LRFN5: variants seen among roughly 807,000 people sequenced by gnomAD.
The protein encoded by LRFN5 is leucine-rich repeat and fibronectin type-III domain-containing protein 5.
In LRFN5, 24 loss-of-function variants were observed where a neutral mutation model predicts 45.6. The ratio of observed to expected loss-of-function variants is 0.53; its 90% CI spans 0.38 to 0.74. The LOEUF (loss-of-function observed/expected upper bound fraction) is 0.74, where lower values mean the gene tolerates loss of function less well. LRFN5 is among the 30% of genes least tolerant of loss of function. The pLI is 0.00. For synonymous variants in LRFN5, 340 were observed against 313.8 expected (o/e 1.08, Z -0.88); for missense variants, 776 against 861.5 (o/e 0.90, Z 1.24).
At chr14:41,802,722 C>T (rs1257998427) in intron 2 of LRFN5, among the ~76,000 whole-genome samples, 1 of 152,050 alleles carries the variant, frequency 6.6e-6, no homozygotes, top group Admixed American at 6.6e-5. Flanking sequence ...GTAAAGATGA[C>T]ATTCATAGGC....
intron 2 of LRFN5, among the ~76,000 whole-genome samples, chr14:41,861,599 A>G (rs1365208714): frequency 6.6e-6 from 1 of 152,040 alleles, no homozygotes; most frequent in African/African-American, 2.4e-5. Flanking sequence ...ACCTTGTGTT[A>G]TTTATCTCTG....
chr14:41,666,426 A>C (rs1391561858), intron 1 of LRFN5, among the ~76,000 whole-genome samples: 2 of 152,090 alleles, frequency 1.3e-5, no homozygotes, highest in African/African-American at 4.8e-5. Flanking sequence ...CTACTCAGCA[A>C]AGATGATCCA....
chr14:41,881,085 T>C (rs1014968255), intron 2 of LRFN5, among the ~76,000 whole-genome samples: 1 of 152,268 alleles, frequency 6.6e-6, no homozygotes, highest in African/African-American at 2.4e-5. Flanking sequence ...AACTCTTACA[T>C]CCCATTCGTG....
chr14:41,686,828 A>G (rs1417012350), intron 1 of LRFN5, among the ~76,000 whole-genome samples: 1 of 152,174 alleles, frequency 6.6e-6, no homozygotes, highest in Non-Finnish European at 1.5e-5. Context: ...TCATGGGGAT[A>G]AGTTTTTTGA....
chr14:41,760,438 T>C (rs1885612296), intron 1 of LRFN5, among the ~76,000 whole-genome samples: 1 of 152,186 alleles, frequency 6.6e-6, no homozygotes, highest in Non-Finnish European at 1.5e-5. Flanking sequence ...TTACTTGTAT[T>C]ATGAATATTA....
intron 1 of LRFN5, among the ~76,000 whole-genome samples, chr14:41,730,170 A>C (rs569290653): frequency 1.8e-4 from 27 of 152,208 alleles, no homozygotes; most frequent in South Asian, 1.5e-3. Flanking sequence ...TACAGATGCA[A>C]ATAAAACCAT....
At chr14:41,881,892 T>C (rs930645009) in intron 2 of LRFN5, among the ~76,000 whole-genome samples, 5 of 152,224 alleles carry the variant, frequency 3.3e-5, no homozygotes, top group East Asian at 1.9e-4. Flanking sequence ...TTCCTGCAGA[T>C]ACGTTAGAAT....
At chr14:41,627,069 A>T (rs566012969) in intron 1 of LRFN5, among the ~76,000 whole-genome samples, 97 of 152,286 alleles carry the variant, frequency 6.4e-4, no homozygotes, top group African/African-American at 2.2e-3. Context: ...ATAAAAGGAT[A>T]GTTTTCACAT....
intron 1 of LRFN5, chr14:41,700,275 A>G (rs942290479): frequency 9.2e-5 from 14 of 152,108 alleles, no homozygotes; most frequent in African/African-American, 3.1e-4. Context: ...CTAGAAAGGA[A>G]CAAATGAGTT....
chr14:41,672,457 T>C (rs1175362860), intron 1 of LRFN5, among the ~76,000 whole-genome samples: 2 of 152,196 alleles, frequency 1.3e-5, no homozygotes, highest in Admixed American at 6.5e-5. Flanking sequence ...AAAATTATAC[T>C]TAGCTTTTAA....
intron 2 of LRFN5, among the ~76,000 whole-genome samples, chr14:41,829,262 A>T (rs1888398674): frequency 6.6e-6 from 1 of 152,022 alleles, no homozygotes; most frequent in South Asian, 2.1e-4. Flanking sequence ...TTCCTTACAG[A>T]TAACATAAAA....
At chr14:41,683,830 C>A (rs77197708) in intron 1 of LRFN5, among the ~76,000 whole-genome samples, 2 of 152,094 alleles carry the variant, frequency 1.3e-5, no homozygotes. Context: ...ATTCTCTGCT[C>A]ATAGATGTGA....
intron 1 of LRFN5, among the ~76,000 whole-genome samples, chr14:41,720,902 T>C (rs917490549): frequency 1.3e-5 from 2 of 152,046 alleles, no homozygotes; most frequent in African/African-American, 4.8e-5. Context: ...TAGATACAAT[T>C]GGTCAGTGTT....
chr14:41,749,911 T>G (rs1310438859), intron 1 of LRFN5, among the ~76,000 whole-genome samples: 2 of 152,186 alleles, frequency 1.3e-5, no homozygotes, highest in East Asian at 3.8e-4. Flanking sequence ...ATTGGGTTAC[T>G]GATGTTAGAC....
intron 1 of LRFN5, among the ~76,000 whole-genome samples, chr14:41,755,562 G>C (rs1885337007): frequency 6.6e-6 from 1 of 152,080 alleles, no homozygotes; most frequent in African/African-American, 2.4e-5. Flanking sequence ...TTTAAAGTCT[G>C]TTTTATCAGA....
chr14:41,641,809 A>G (rs1594574487), intron 1 of LRFN5, among the ~76,000 whole-genome samples: 1 of 152,238 alleles, frequency 6.6e-6, no homozygotes, highest in East Asian at 1.9e-4. Context: ...GAAGTTTTGA[A>G]ACTTTATTAT....
chr14:41,725,485 GC>G (rs754935462), intron 1 of LRFN5, among the ~76,000 whole-genome samples: 3 of 152,178 alleles, frequency 2.0e-5, no homozygotes, highest in Non-Finnish European at 2.9e-5. Context: ...ATTGTCCACT[GC>G]CTGACAGATG....
intron 1 of LRFN5, among the ~76,000 whole-genome samples, chr14:41,697,890 T>G (rs1481201643): frequency 6.6e-6 from 1 of 151,924 alleles, no homozygotes; most frequent in Non-Finnish European, 1.5e-5. Flanking sequence ...TTTTTAGAAA[T>G]TAAAAAATAT....
At chr14:41,775,049 ATTTGACAATT>A (rs1338558688) in intron 2 of LRFN5, among the ~76,000 whole-genome samples, 1 of 149,610 alleles carries the variant, frequency 6.7e-6, no homozygotes, top group East Asian at 2.0e-4. Flanking sequence ...GGCACATTAG[ATTTGACAATT>A]GAGGTGAAAG....
Sources: allele counts gnomAD v4.1 joint callset (sites outside exome capture counted in the v4.1 genomes callset), GRCh38; gene constraint gnomAD v4.1.1; transcripts MANE v1.5; gene names NCBI Gene and HGNC (gene_info 2026-07-23, HGNC 2026-07-21).